The following EIF3E variants were observed in gnomAD, a reference collection of about 807,000 sequenced individuals.
EIF3E encodes the protein eIF-3 p48.
Under a neutral mutation model 59.3 loss-of-function variants are expected in EIF3E, and 25 were observed. The observed-to-expected ratio is 0.42, with a 90% confidence interval of 0.31 to 0.59. EIF3E has a LOEUF of 0.59. Ranked by LOEUF, EIF3E falls within the 20% of genes least tolerant of loss-of-function variation. The pLI is 0.15. For missense variants in EIF3E, 317 were observed against 534.3 expected (o/e 0.59, Z 4.01); for synonymous variants, 176 against 170.2 (o/e 1.03, Z -0.26).
intron 10 of EIF3E, among the ~76,000 whole-genome samples, chr8:108,209,185 G>A (rs1586191769): frequency 6.6e-6 from 1 of 152,040 alleles, no homozygotes; most frequent in Non-Finnish European, 1.5e-5. Context: ...AAGAAGCTGA[G>A]ATATATCCTT....
chr8:108,217,476 A>C lies in EIF3E; in HGVS notation c.723-16T>G. 6.4e-7 allele frequency: 1 copy of C among 1,572,080 alleles called. No homozygotes were observed. Among genetic ancestry groups the C allele is most frequent in the Non-Finnish European group, 8.6e-7 (1 of 1,161,684 alleles). ...ATTAAGATATCTAAGAAAAAATATA[A>C]AAGTTATTTAATAACTTACCCAGGG... is the stretch of plus-strand genomic sequence containing the variant. On this transcript the variant is annotated splice_polypyrimidine_tract_variant and intron_variant, in intron 7 of 12. Coordinates refer to ENST00000220849, the MANE Select transcript of EIF3E (RefSeq NM_001568.3).
chr8:108,208,928 TG>T (rs1815156994), intron 10 of EIF3E, among the ~76,000 whole-genome samples: 1 of 152,152 alleles, frequency 6.6e-6, no homozygotes. Context: ...TTTTGACAGA[TG>T]TTGCAAACTT....
In EIF3E at chr8:108,242,185, A is replaced by G. The variant is rs1586211676; in HGVS notation, c.91-272T>C. On this transcript the variant is annotated intron_variant, in intron 1 of 12. Transcript: ENST00000220849. ...TCTGATTTACATGACCTTATTTTTT[A>G]TGTGTCCCTACAAACCATCTCTTAC... The G allele has an allele frequency of 4.5e-6, 6 of 1,333,722 alleles. No homozygotes were observed. In the East Asian group the frequency reaches 2.7e-4, roughly 61 times the overall value. 82.6% of individuals were successfully genotyped at this position (1,333,722 alleles called of 1,614,324 possible). A position where few individuals can be genotyped will look rare whatever the true frequency, so the allele number is the denominator to read the frequency against.
At chr8:108,222,432 T>C (rs545359211) in intron 7 of EIF3E, among the ~76,000 whole-genome samples, 165 of 152,300 alleles carry the variant, frequency 1.1e-3, no homozygotes, top group Admixed American at 3.0e-3. Context: ...TGCATCTATA[T>C]ATAGATAAGG....
intron 10 of EIF3E, among the ~76,000 whole-genome samples, chr8:108,211,187 G>A (rs1452361122): frequency 1.3e-5 from 2 of 152,114 alleles, no homozygotes; most frequent in Non-Finnish European, 2.9e-5. Context: ...CTTCCACAAT[G>A]GTTGAACTAG....
Position 108,203,499 on chromosome 8 carries a change from A to G in EIF3E, c.1066T>C (p.Leu356=), listed in dbSNP as rs774423595. ...RIHQCISINM[L]ADKLNMTPEE... ...GGAGTCATGTTCAATTTATCTGCCA[A>G]CATGCTAATGAAAAAGTAAAAACAG... is the stretch of plus-strand genomic sequence containing the variant. The change falls in exon 11 of 13, where the codon TTG becomes CTG. Residue 356 remains leucine, a synonymous_variant. Transcript: ENST00000220849. 4.3e-6 allele frequency: 7 copies of G among 1,612,308 alleles called. No individual in the cohort carries two copies. The highest frequency in any genetic ancestry group is 5.9e-6 in the Non-Finnish European group (7 of 1,178,846).
At chr8:108,235,243 C>G (rs1050989189) in intron 4 of EIF3E, 141 bp from the exon 5 acceptor site, 3 of 485,326 alleles carry the variant, frequency 6.2e-6, no homozygotes, top group Non-Finnish European at 1.1e-5. Flanking sequence ...AAATGTATCT[C>G]TGATTATGGT....
At chr8:108,221,112 A>G (rs1185150335) in intron 7 of EIF3E, among the ~76,000 whole-genome samples, 1 of 152,160 alleles carries the variant, frequency 6.6e-6, no homozygotes, top group Non-Finnish European at 1.5e-5. Flanking sequence ...AAGGGAAAGG[A>G]AAAGAAAGAA....
chr8:108,202,190 T>C (rs1218578511), intron 12 of EIF3E, among the ~76,000 whole-genome samples: 1 of 152,068 alleles, frequency 6.6e-6, no homozygotes, highest in East Asian at 1.9e-4. Context: ...ATGATACAAA[T>C]TAATCCTAAA....
At chr8:108,224,049 C>T (rs1815473138) in intron 7 of EIF3E, among the ~76,000 whole-genome samples, 1 of 150,190 alleles carries the variant, frequency 6.7e-6, no homozygotes, top group Admixed American at 6.6e-5. Flanking sequence ...AACCCAATCT[C>T]TACTAAAAAT....
In EIF3E at chr8:108,242,700, ATGAG is replaced by A. The variant is rs1815861237; in HGVS notation, c.91-791_91-788del. ...CAAATTACATGCAGAACTCCTATAA[ATGAG>A]TAAGACAAGACAGACCTTGCAATTG... On this transcript the variant is annotated intron_variant, in intron 1 of 12. Coordinates refer to ENST00000220849, the MANE Select transcript of EIF3E (RefSeq NM_001568.3). 25 of 1,108,370 alleles carry A rather than the reference ATGAG, an allele frequency of 2.3e-5. No homozygotes were observed. The South Asian group carries it at 5.4e-4, about 24-fold the overall frequency. 68.7% of individuals were successfully genotyped at this position (1,108,370 alleles called of 1,614,324 possible).
At position 108,227,204 on chromosome 8, in the gene EIF3E, G is replaced by C. The variant is rs1464442137; in HGVS notation, c.722+1063C>G. On this transcript the variant is annotated intron_variant, in intron 7 of 12. Coordinates refer to ENST00000220849, the MANE Select transcript of EIF3E (RefSeq NM_001568.3). ...CCAGGCATGGTGGCATGTGCCTGTA[G>C]TCCCAGCTACTTGGGAGGCTGACGG... The C allele has an allele frequency of 7.9e-5, 12 of 152,266 alleles. No homozygotes were observed. The East Asian group carries it at 2.3e-3, about 29-fold the overall frequency. The allele number at this position is 152,266 out of a possible 1,614,324, so 9.4% of individuals were successfully genotyped here. A position where few individuals can be genotyped will look rare whatever the true frequency, so the allele number is the denominator to read the frequency against.
chr8:108,235,600 A>T (rs1395910708), intron 4 of EIF3E, among the ~76,000 whole-genome samples: 1 of 152,152 alleles, frequency 6.6e-6, no homozygotes, highest in East Asian at 1.9e-4. Flanking sequence ...TTAAATAATT[A>T]ATTATATGCA....
Position 108,216,637 on chromosome 8 carries a change from C to T in EIF3E, c.850-124G>A, listed in dbSNP as rs936961866. On this transcript the variant is annotated intron_variant, in intron 8 of 12. Transcript: ENST00000220849. ...ATTAATTTCTAGCCAAATTACCTAGCATCTTCCCAAAACAATTGTTCCTAT... is the reference window on the plus strand; with the variant it reads ...ATTAATTTCTAGCCAAATTACCTAGTATCTTCCCAAAACAATTGTTCCTAT... The T allele has an allele frequency of 4.4e-6, 3 of 685,110 alleles. No homozygotes were observed. In the African/African-American group the frequency reaches 5.6e-5, roughly 13 times the overall value. The allele number at this position is 685,110 out of a possible 1,614,324, so 42.4% of individuals were successfully genotyped here.
In EIF3E at chr8:108,212,127, T is replaced by C. The variant is rs1015736261; in HGVS notation, c.1061+2480A>G. Among the ~76,000 whole-genome samples the C allele has an allele frequency of 5.9e-5, 9 of 152,342 alleles. No homozygotes were observed. In the East Asian group the frequency reaches 1.5e-3, roughly 26 times the overall value. On this transcript the variant is annotated intron_variant, in intron 10 of 12. Coordinates refer to ENST00000220849, the MANE Select transcript of EIF3E (RefSeq NM_001568.3). ...AAACAATGCAGTTGTTCTGAGTCAG[T>C]GTTTTGTAAAACTGTGTTCCAAAGA...
chr8:108,218,838 C>T (rs1359047818), intron 7 of EIF3E, among the ~76,000 whole-genome samples: 14 of 134,574 alleles, frequency 1.0e-4, no homozygotes, highest in Admixed American at 1.7e-4. Flanking sequence ...GGCTGGAGTG[C>T]AGTGGCACCA....
intron 7 of EIF3E, among the ~76,000 whole-genome samples, chr8:108,223,160 G>A (rs538215825): frequency 8.5e-5 from 13 of 152,240 alleles, no homozygotes; most frequent in South Asian, 2.1e-4. Context: ...ACAGCTTTAA[G>A]TAACTAAACA....
At chr8:108,233,996 CAG>C (rs34896940) in intron 5 of EIF3E, among the ~76,000 whole-genome samples, 21,450 of 151,910 alleles carry the variant, frequency 0.14, 3,913 homozygotes, top group African/African-American at 0.43. Context: ...AAACAGAAGA[CAG>C]AGTGAGAACG....
chr8:108,228,107 C>T lies in EIF3E; in HGVS notation c.722+160G>A, dbSNP rs1815552844. ...TCTGTCAAATAGTTTACTTAAGAGT[C>T]ACATGCATACTTTTCAGTAACAAGC... On this transcript the variant is annotated intron_variant, in intron 7 of 12. Coordinates refer to ENST00000220849, the MANE Select transcript of EIF3E (RefSeq NM_001568.3). 8.5e-6 allele frequency: 6 copies of T among 707,808 alleles called. 1 individual carries two copies. The highest frequency in any genetic ancestry group is 3.7e-5 in the African/African-American group (2 of 53,478). The allele number at this position is 707,808 out of a possible 1,614,324, so 43.8% of individuals were successfully genotyped here.
Sources: allele counts gnomAD v4.1 joint callset (sites outside exome capture counted in the v4.1 genomes callset), GRCh38; gene constraint gnomAD v4.1.1; transcripts MANE v1.5; gene names NCBI Gene and HGNC (gene_info 2026-07-23, HGNC 2026-07-21).